RCAN2: variants seen among roughly 807,000 people sequenced by gnomAD.
The protein encoded by RCAN2 is calcipressin-2.
Under a neutral mutation model 23.6 loss-of-function variants are expected in RCAN2, and 9 were observed. The ratio of observed to expected loss-of-function variants is 0.38; its 90% confidence interval spans 0.23 to 0.67. The LOEUF is 0.67. RCAN2 is among the 30% of genes least tolerant of loss of function. The pLI, the probability that RCAN2 is intolerant of heterozygous loss-of-function variation, is 0.51. For synonymous variants in RCAN2, 109 were observed against 115.7 expected (o/e 0.94, Z 0.37); for missense variants, 273 against 302.3 (o/e 0.90, Z 0.72).
intron 2 of RCAN2, among the ~76,000 whole-genome samples, chr6:46,397,108 T>C (rs1252159046): frequency 1.3e-5 from 2 of 152,078 alleles, no homozygotes; most frequent in Non-Finnish European, 2.9e-5. Flanking sequence ...AGAAACTCTA[T>C]TTCAAAAAAA....
chr6:46,474,798 T>C (rs1306669553), intron 1 of RCAN2, among the ~76,000 whole-genome samples: 1 of 152,168 alleles, frequency 6.6e-6, no homozygotes, highest in Non-Finnish European at 1.5e-5. Flanking sequence ...CAACAAAAGA[T>C]AAATTGAACA....
At chr6:46,400,162 C>G (rs1766209234) in intron 2 of RCAN2, among the ~76,000 whole-genome samples, 1 of 152,200 alleles carries the variant, frequency 6.6e-6, no homozygotes, top group Non-Finnish European at 1.5e-5. Context: ...CAGATGATCA[C>G]TTCTACTGTG....
intron 2 of RCAN2, among the ~76,000 whole-genome samples, chr6:46,323,203 C>T (rs1246324323): frequency 6.6e-6 from 1 of 152,016 alleles, no homozygotes; most frequent in Non-Finnish European, 1.5e-5. Flanking sequence ...AGAGTGCCTA[C>T]AAAGATGACA....
chr6:46,245,091 G>A (rs143820675), intron 4 of RCAN2, among the ~76,000 whole-genome samples: 238 of 152,284 alleles, frequency 1.6e-3, no homozygotes, highest in African/African-American at 5.3e-3. Flanking sequence ...TCAGGATCCT[G>A]GATGTGAACC....
intron 2 of RCAN2, chr6:46,325,598 CTGGAGGCTCG>C: frequency 6.9e-7 from 1 of 1,455,584 alleles, no homozygotes; most frequent in South Asian, 1.5e-5. Context: ...CTGGGGACGG[CTGGAGGCTCG>C]GGCTCCTGGA....
rs530778909 is a variant in RCAN2 at position 46,250,026 on chromosome 6, A to C, written c.226-1130T>G. On this transcript the variant is annotated intron_variant, in intron 2 of 4. Transcript: ENST00000371374. ...TAATTAAAAACTTTAGACTCAATAC[A>C]CAATTTCAATTCAACTGAGTAAGTA... is the stretch of plus-strand genomic sequence containing the variant. Among the ~76,000 whole-genome samples the C allele has an allele frequency of 1.4e-3, 214 of 152,316 alleles. 1 individual carries two copies. The highest frequency in any genetic ancestry group is 3.4e-3 in the Middle Eastern group (1 of 294).
intron 2 of RCAN2, among the ~76,000 whole-genome samples, chr6:46,303,101 T>G (rs1357223613): frequency 6.6e-6 from 1 of 152,042 alleles, no homozygotes; most frequent in Non-Finnish European, 1.5e-5. Context: ...ACTCACTTTC[T>G]GGGTTCACTG....
intron 2 of RCAN2, among the ~76,000 whole-genome samples, chr6:46,265,761 T>C (rs1767307089): frequency 6.6e-6 from 1 of 152,216 alleles, no homozygotes. Flanking sequence ...GGCTGCTTAT[T>C]TGTGATCTAA....
Position 46,482,085 on chromosome 6 carries a change from A to G in RCAN2, c.-3+9088T>C, listed in dbSNP as rs185336716. 2.4e-4 allele frequency among the ~76,000 whole-genome samples: 36 copies of G among 152,250 alleles called. No individual in the cohort carries two copies. In the East Asian group the frequency reaches 5.2e-3, roughly 22 times the overall value. The stretch of plus-strand genomic sequence containing the variant: ...AAACTGAGTAAAAAACACTTGGGGA[A>G]AAAACTGTTATCTTAAAGATAAGCT... On this transcript the variant is annotated intron_variant, in intron 1 of 4. Coordinates refer to ENST00000371374, the MANE Select transcript of RCAN2 (RefSeq NM_001251974.2).
intron 2 of RCAN2, among the ~76,000 whole-genome samples, chr6:46,370,984 G>T (rs756959426): frequency 4.6e-5 from 7 of 152,170 alleles, no homozygotes; most frequent in Admixed American, 1.3e-4. Flanking sequence ...CTTTTAACCT[G>T]AGATATGTGG....
intron 2 of RCAN2, among the ~76,000 whole-genome samples, chr6:46,421,778 G>C (rs1766895690): frequency 6.6e-6 from 1 of 152,106 alleles, no homozygotes; most frequent in Non-Finnish European, 1.5e-5. Flanking sequence ...TAAAAGTAGA[G>C]AAAGTCACTG....
chr6:46,223,172 C>T lies in RCAN2; in HGVS notation c.701G>A (p.Arg234His), dbSNP rs201948840. Reference sequence around the variant, plus strand: ...GGACACGGAGGGTGGCAGGCCAGGACGCCGAGTTTGGATGATTTTTGGCTT... The same window carrying T: ...GGACACGGAGGGTGGCAGGCCAGGATGCCGAGTTTGGATGATTTTTGGCTT... ...SPKPKIIQTR[R>H]PGLPPSVSN is the part of the protein sequence containing the mutation. Residue 234 changes from arginine (R) to histidine (H), a missense_variant, in exon 5 of 5, where the codon CGT becomes CAT. Transcript: ENST00000371374. 18 of 1,613,490 alleles carry T rather than the reference C, an allele frequency of 1.1e-5. No homozygotes were observed. Among genetic ancestry groups the T allele is most frequent in the South Asian group, 6.6e-5 (6 of 91,042 alleles).
chr6:46,402,443 C>G (rs915183357), intron 2 of RCAN2, among the ~76,000 whole-genome samples: 1 of 152,152 alleles, frequency 6.6e-6, no homozygotes, highest in African/African-American at 2.4e-5. Context: ...ATCCCTCTTC[C>G]CCAAGGCAAG....
intron 2 of RCAN2, among the ~76,000 whole-genome samples, chr6:46,417,547 A>G (rs1271421433): frequency 2.0e-5 from 3 of 152,206 alleles, no homozygotes; most frequent in Non-Finnish European, 4.4e-5. Context: ...ATGATAACCA[A>G]GAACTGCAGG....
chr6:46,402,699 C>T (rs796942159), intron 2 of RCAN2, among the ~76,000 whole-genome samples: 13 of 152,246 alleles, frequency 8.5e-5, no homozygotes, highest in African/African-American at 2.9e-4. Context: ...TTTCCCACTC[C>T]GTCTAGTAAC....
At chr6:46,224,931 C>T (rs866655568) in intron 4 of RCAN2, among the ~76,000 whole-genome samples, 3 of 152,100 alleles carry the variant, frequency 2.0e-5, no homozygotes, top group Non-Finnish European at 4.4e-5. Flanking sequence ...TCCCTCCCCC[C>T]CTTCCCCCAC....
At chr6:46,253,370 A>T (rs1205838135) in intron 2 of RCAN2, among the ~76,000 whole-genome samples, 1 of 152,236 alleles carries the variant, frequency 6.6e-6, no homozygotes, top group African/African-American at 2.4e-5. Context: ...CTGTCTGCCA[A>T]ATACCAAAGT....
At chr6:46,289,238 T>C (rs1310032415) in intron 2 of RCAN2, among the ~76,000 whole-genome samples, 1 of 151,440 alleles carries the variant, frequency 6.6e-6, no homozygotes, top group Non-Finnish European at 1.5e-5. Flanking sequence ...ACTTCACTAT[T>C]TTTTCCCCCC....
In RCAN2 at chr6:46,362,161, A is replaced by T. The variant is rs185910073; in HGVS notation, c.225+94591T>A. Among the ~76,000 whole-genome samples, 122 of 152,330 alleles carry T rather than the reference A, an allele frequency of 8.0e-4. 1 individual carries two copies. Among genetic ancestry groups the T allele is most frequent in the African/African-American group, 2.6e-3 (107 of 41,578 alleles). On this transcript the variant is annotated intron_variant, in intron 2 of 4. Transcript: ENST00000371374. Reference sequence around the variant, plus strand: ...GAAGACCCAACTTAGGGTAGTCACGATATACATGCTATAGATGTGTCACCC... The same window carrying T: ...GAAGACCCAACTTAGGGTAGTCACGTTATACATGCTATAGATGTGTCACCC...
Sources: allele counts gnomAD v4.1 joint callset (sites outside exome capture counted in the v4.1 genomes callset), GRCh38; gene constraint gnomAD v4.1.1; transcripts MANE v1.5; gene names NCBI Gene and HGNC (gene_info 2026-07-23, HGNC 2026-07-21).